The following LGSN variants were observed in gnomAD, a reference collection of about 807,000 sequenced individuals.
LGSN encodes the protein lengsin, lens protein with glutamine synthetase domain.
LGSN carries 21 observed loss-of-function variants against 19.5 expected under a neutral mutation model. The observed-to-expected ratio is 1.07, with a 90% CI of 0.76 to 1.55. LGSN has a LOEUF of 1.55. LGSN is among the 40% of genes most tolerant of loss of function. LGSN has a pLI of 0.00. For missense variants in LGSN, 673 were observed against 608.5 expected, an observed-to-expected ratio of 1.11 and a Z score of -1.12; for synonymous variants, 257 against 215.6, an observed-to-expected ratio of 1.19 and a Z score of -1.68.
chr6:63,452,363 C>T, the LGSN span, among the ~76,000 whole-genome samples: 1 of 152,100 alleles, frequency 6.6e-6, no homozygotes, highest in East Asian at 1.9e-4. Flanking sequence ...ATACTCCTGC[C>T]TCAGCCTCTG....
chr6:63,554,623 C>A, the LGSN span, among the ~76,000 whole-genome samples: 9 of 152,072 alleles, frequency 5.9e-5, no homozygotes, highest in Non-Finnish European at 1.2e-4. Context: ...CATGGTGAAA[C>A]CCATCTCTAC....
intron 2 of LGSN, among the ~76,000 whole-genome samples, chr6:63,292,308 TAA>T (rs1767804629): frequency 6.6e-6 from 1 of 152,200 alleles, no homozygotes; most frequent in Non-Finnish European, 1.5e-5. Context: ...AAAAAGATAA[TAA>T]GTTTGTGTTT....
At chr6:63,345,355 G>C in the LGSN span, among the ~76,000 whole-genome samples, 4 of 152,016 alleles carry the variant, frequency 2.6e-5, no homozygotes, top group East Asian at 7.7e-4. Context: ...GCTAAGATTG[G>C]GTTCATTTGG....
the LGSN span, among the ~76,000 whole-genome samples, chr6:63,502,433 C>G: frequency 6.6e-6 from 1 of 151,920 alleles, no homozygotes. Context: ...TTCTATTTTA[C>G]ATAATTTCTG....
rs1767917106 is a variant in LGSN, at chr6:63,294,914, A to G, written c.162T>C (p.Asn54=). 1 of 1,613,734 alleles carries G rather than the reference A, an allele frequency of 6.2e-7. No individual in the cohort carries two copies. Among genetic ancestry groups the G allele is most frequent in the Admixed American group, 1.7e-5 (1 of 59,992 alleles). Residue 54 remains asparagine, a splice_region_variant and synonymous_variant, in exon 2 of 4, where the codon AAT becomes AAC. Transcript: ENST00000370657. ...TGAGGACTCAGAGTAGTTAGATACC[A>G]TTTGAATTGGACATATCCGTTTCTC... The part of the protein sequence containing the change: ...EVGETDMSNS[N]DCMRDSSQIL...
At chr6:63,355,901 A>G in the LGSN span, among the ~76,000 whole-genome samples, 4 of 151,488 alleles carry the variant, frequency 2.6e-5, no homozygotes, top group East Asian at 7.9e-4. Context: ...CTGGTTGTGA[A>G]CTCCTGACCT....
At chr6:63,376,487 A>G in the LGSN span, among the ~76,000 whole-genome samples, 1 of 152,234 alleles carries the variant, frequency 6.6e-6, no homozygotes, top group Non-Finnish European at 1.5e-5. Context: ...TGATGCTGAC[A>G]TCTAGAAAAA....
chr6:63,412,505 AGAAAGAAAGAAAGAAAGAAAGAAG>A, the LGSN span, among the ~76,000 whole-genome samples: 90 of 113,326 alleles, frequency 7.9e-4, no homozygotes, highest in Admixed American at 4.1e-3. Context: ...AAAGAAAGAA[AGAAAGAAAGAAAGAAAGAAAGAAG>A]GAAAGAAAGA....
At chr6:63,310,630 G>A (rs371795948) in intron 1 of LGSN, among the ~76,000 whole-genome samples, 1 of 152,258 alleles carries the variant, frequency 6.6e-6, no homozygotes, top group East Asian at 1.9e-4. Context: ...AATCATAGCA[G>A]CCATTTAGTG....
chr6:63,457,397 C>A, the LGSN span, among the ~76,000 whole-genome samples: 1 of 151,994 alleles, frequency 6.6e-6, no homozygotes, highest in Non-Finnish European at 1.5e-5. Context: ...CCCAGCTACT[C>A]GGGAGGCTGA....
the LGSN span, among the ~76,000 whole-genome samples, chr6:63,370,870 A>T: frequency 6.6e-6 from 1 of 152,234 alleles, no homozygotes; most frequent in Non-Finnish European, 1.5e-5. Context: ...TAGAAATAGG[A>T]AAAAGCATTT....
At chr6:63,310,376 A>G (rs981751531) in intron 1 of LGSN, among the ~76,000 whole-genome samples, 2 of 152,120 alleles carry the variant, frequency 1.3e-5, no homozygotes, top group Non-Finnish European at 2.9e-5. Flanking sequence ...TATTTATGGT[A>G]TACAATATAA....
At chr6:63,356,875 C>T in the LGSN span, among the ~76,000 whole-genome samples, 1 of 152,168 alleles carries the variant, frequency 6.6e-6, no homozygotes, top group Middle Eastern at 3.4e-3. Flanking sequence ...TACATGTACA[C>T]AACGTGCAGG....
At chr6:63,295,509 A>T (rs1767951229) in intron 1 of LGSN, among the ~76,000 whole-genome samples, 1 of 152,196 alleles carries the variant, frequency 6.6e-6, no homozygotes, top group Non-Finnish European at 1.5e-5. Flanking sequence ...AAAAGGAAAA[A>T]ATTAATAATG....
At chr6:63,403,039 G>A in the LGSN span, among the ~76,000 whole-genome samples, 1 of 151,858 alleles carries the variant, frequency 6.6e-6, no homozygotes, top group Non-Finnish European at 1.5e-5. Flanking sequence ...ACAATCACAT[G>A]AGCCAATTCC....
At chr6:63,489,360 T>G in the LGSN span, among the ~76,000 whole-genome samples, 1 of 152,170 alleles carries the variant, frequency 6.6e-6, no homozygotes, top group African/African-American at 2.4e-5. Flanking sequence ...TGTCTGTATT[T>G]TATTGTATTT....
chr6:63,516,027 C>T, the LGSN span, among the ~76,000 whole-genome samples: 1 of 152,148 alleles, frequency 6.6e-6, no homozygotes, highest in East Asian at 1.9e-4. Flanking sequence ...ATTTTTCCTA[C>T]AGTAAATCAT....
the LGSN span, chr6:63,572,858 C>T: frequency 2.5e-6 from 1 of 392,162 alleles, no homozygotes; most frequent in Non-Finnish European, 4.5e-6. Flanking sequence ...CGGGTGGGAG[C>T]GGGCGGGTTA....
chr6:63,559,483 A>T, the LGSN span, among the ~76,000 whole-genome samples: 1 of 152,212 alleles, frequency 6.6e-6, no homozygotes, highest in African/African-American at 2.4e-5. Context: ...GCAGTGGCTC[A>T]CACCTGTAAT....
Sources: allele counts gnomAD v4.1 joint callset (sites outside exome capture counted in the v4.1 genomes callset), GRCh38; gene constraint gnomAD v4.1.1; transcripts MANE v1.5; gene names NCBI Gene and HGNC (gene_info 2026-07-23, HGNC 2026-07-21).